ANO1: variants seen among roughly 807,000 people sequenced by gnomAD.
ANO1 encodes anoctamin-1.
ANO1 carries 59 observed loss-of-function variants against 124.0 expected under a neutral mutation model. The observed-to-expected ratio is 0.48, with a 90% CI of 0.39 to 0.59. ANO1 has a LOEUF of 0.59. Among genes scored for constraint, ANO1 ranks in the 20% least tolerant of loss-of-function variants. ANO1 has a pLI of 0.00. For synonymous variants in ANO1, 529 were observed against 532.0 expected (o/e 0.99, Z 0.08); for missense variants, 1,059 against 1,328.0 (o/e 0.80, Z 3.15).
At chr11:70,186,333 G>T (rs1004168966) in intron 25 of ANO1, among the ~76,000 whole-genome samples, 2 of 123,352 alleles carry the variant, frequency 1.6e-5, no homozygotes, top group African/African-American at 7.3e-5. Context: ...GGAGGAGGAG[G>T]AGGACGAGGA....
intron 6 of ANO1, among the ~76,000 whole-genome samples, chr11:70,109,787 T>A (rs1413041275): frequency 6.6e-6 from 1 of 152,180 alleles, no homozygotes; most frequent in Non-Finnish European, 1.5e-5. Flanking sequence ...TGGCCCAGGC[T>A]GATTCTCTGC....
intron 2 of ANO1, among the ~76,000 whole-genome samples, chr11:70,093,613 T>C (rs1208999059): frequency 6.6e-6 from 1 of 152,166 alleles, no homozygotes. Flanking sequence ...GCCGTGGACA[T>C]TGGAACCCTA....
At chr11:70,051,318 C>T (rs1857346888) in intron 1 of ANO1, among the ~76,000 whole-genome samples, 1 of 152,132 alleles carries the variant, frequency 6.6e-6, no homozygotes, top group African/African-American at 2.4e-5. Context: ...TCTTGTTGTT[C>T]TAGAGTATTC....
chr11:70,165,380 A>AC, intron 19 of ANO1, 90 bp from the exon 20 acceptor site: 1 of 1,100,846 alleles, frequency 9.1e-7, no homozygotes, highest in South Asian at 1.3e-5. Context: ...ACGCAGGTCA[A>AC]CCCACAGCAT....
intron 1 of ANO1, among the ~76,000 whole-genome samples, chr11:70,030,495 G>T (rs1555003698): frequency 6.6e-6 from 1 of 152,140 alleles, no homozygotes; most frequent in African/African-American, 2.4e-5. Flanking sequence ...AATCTTAGGG[G>T]GTAAAACCAA....
intron 11 of ANO1, among the ~76,000 whole-genome samples, chr11:70,143,691 C>T (rs568267014): frequency 3.1e-4 from 47 of 152,188 alleles, no homozygotes; most frequent in Non-Finnish European, 5.6e-4. Flanking sequence ...ATGAAATGGA[C>T]AGATTGCCCC....
intron 1 of ANO1, among the ~76,000 whole-genome samples, chr11:70,079,295 C>T (rs1294104163): frequency 2.0e-5 from 3 of 152,102 alleles, no homozygotes; most frequent in Non-Finnish European, 4.4e-5. Flanking sequence ...GCATTGGCAC[C>T]GAAACTCTCA....
intron 1 of ANO1, among the ~76,000 whole-genome samples, chr11:70,071,298 C>T (rs1261626260): frequency 1.3e-5 from 2 of 152,112 alleles, no homozygotes; most frequent in African/African-American, 4.8e-5. Flanking sequence ...AATATGAGCC[C>T]ACAGGTTACA....
intron 2 of ANO1, among the ~76,000 whole-genome samples, chr11:70,094,576 G>A (rs1050759243): frequency 5.9e-5 from 9 of 152,182 alleles, no homozygotes; most frequent in African/African-American, 2.2e-4. Flanking sequence ...ACCATGAGTA[G>A]GTAGGGCAGA....
intron 1 of ANO1, among the ~76,000 whole-genome samples, chr11:69,990,066 A>G (rs1856124007): frequency 6.6e-6 from 1 of 152,198 alleles, no homozygotes; most frequent in Non-Finnish European, 1.5e-5. Context: ...TCATACAACT[A>G]TCATCACTAT....
At chr11:70,045,271 T>C (rs188223769) in intron 1 of ANO1, among the ~76,000 whole-genome samples, 1 of 152,318 alleles carries the variant, frequency 6.6e-6, no homozygotes, top group East Asian at 1.9e-4. Flanking sequence ...ATACGTGACA[T>C]ACACATTTTT....
intron 11 of ANO1, chr11:70,141,597 A>G (rs957500616): frequency 6.6e-6 from 1 of 152,246 alleles, no homozygotes; most frequent in Non-Finnish European, 1.5e-5. Context: ...AGCTTATTCT[A>G]AATCAAGACA....
chr11:70,188,405 C>T lies in ANO1; in HGVS notation c.*401C>T, dbSNP rs750166161. ...TTAAGATAGATGCAAAATGGTAAGC[C>T]GAGGCATCGCGCAAAAGCTGGTGCG... On this transcript the variant is annotated 3_prime_UTR_variant, in exon 26 of 26. Transcript: ENST00000355303. 5 of 171,528 alleles carry T rather than the reference C, an allele frequency of 2.9e-5. No homozygotes were observed. Among genetic ancestry groups the T allele is most frequent in the Non-Finnish European group, 6.2e-5 (5 of 80,974 alleles). 10.6% of individuals were successfully genotyped at this position (171,528 alleles called of 1,614,324 possible).
chr11:70,078,736 C>G, intron 1 of ANO1, 22 bp downstream of exon 1: 1 of 1,432,430 alleles, frequency 7.0e-7, no homozygotes, highest in Non-Finnish European at 9.3e-7. Context: ...CGGCCGCGAC[C>G]CGGGCGGGAG....
intron 1 of ANO1, among the ~76,000 whole-genome samples, chr11:70,019,372 A>C (rs1441867449): frequency 6.6e-6 from 1 of 152,054 alleles, no homozygotes; most frequent in Non-Finnish European, 1.5e-5. Context: ...ATAAAATGTG[A>C]GGAGGAAAGG....
At chr11:70,069,927 G>T (rs1221735945) in intron 1 of ANO1, among the ~76,000 whole-genome samples, 12 of 149,954 alleles carry the variant, frequency 8.0e-5, no homozygotes, top group Admixed American at 2.1e-4. Context: ...GTATGTGTAT[G>T]CATGCAAGGA....
At chr11:70,102,127 A>G (rs915403965) in intron 2 of ANO1, among the ~76,000 whole-genome samples, 2 of 152,184 alleles carry the variant, frequency 1.3e-5, no homozygotes, top group African/African-American at 4.8e-5. Flanking sequence ...AGGGAAAGCT[A>G]GAGACGCTGG....
intron 8 of ANO1, among the ~76,000 whole-genome samples, chr11:70,121,632 G>T (rs868447068): frequency 1.0e-5 from 1 of 98,152 alleles, no homozygotes; most frequent in African/African-American, 3.9e-5. Context: ...CCACCTCTCT[G>T]TCTGTCTCTC....
the ANO1 span, among the ~76,000 whole-genome samples, chr11:69,975,006 C>G: frequency 4.6e-5 from 7 of 152,156 alleles, no homozygotes; most frequent in Non-Finnish European, 7.3e-5. Flanking sequence ...GAGGCAGCTA[C>G]GGAGGCAGCC....
Sources: gnomAD v4.1 joint callset for allele counts (sites outside exome capture counted in the v4.1 genomes callset) on GRCh38, gnomAD v4.1.1 for gene constraint, MANE v1.5 for transcripts, NCBI Gene and HGNC (gene_info 2026-07-23, HGNC 2026-07-21) for gene names.